The following ANAPC1 variants were observed in gnomAD, a reference collection of about 807,000 sequenced individuals.
ANAPC1 encodes the protein anaphase promoting complex subunit 1, also known as anaphase-promoting complex subunit 1.
Under a neutral mutation model 208.0 loss-of-function variants are expected in ANAPC1, and 36 were observed. The ratio of observed to expected loss-of-function variants is 0.17; its 90% CI spans 0.13 to 0.23. The LOEUF (loss-of-function observed/expected upper bound fraction) is 0.23. Among genes scored for constraint, ANAPC1 ranks in the 10% least tolerant of loss-of-function variants. ANAPC1 has a pLI of 1.00. For missense variants in ANAPC1, 942 were observed against 2,011.6 expected, an observed-to-expected ratio of 0.47 and a Z score of 10.17; for synonymous variants, 378 against 695.2, an observed-to-expected ratio of 0.54 and a Z score of 7.18.
chr2:111,801,358 TA>T (rs752955666), intron 33 of ANAPC1, among the ~76,000 whole-genome samples: 12 of 125,368 alleles, frequency 9.6e-5, no homozygotes, highest in South Asian at 2.6e-4. Flanking sequence ...CTCCATCTCA[TA>T]AAAAAAAAAA....
At chr2:111,828,515 G>A (rs1408466403) in intron 21 of ANAPC1, among the ~76,000 whole-genome samples, 1 of 152,130 alleles carries the variant, frequency 6.6e-6, no homozygotes, top group African/African-American at 2.4e-5. Context: ...AGCACTATTC[G>A]CAACAGTCAA....
chr2:111,864,329 AGATGATGATGATGATGATGATGAT>A (rs200879980), intron 8 of ANAPC1, among the ~76,000 whole-genome samples: 1 of 110,702 alleles, frequency 9.0e-6, no homozygotes, highest in Non-Finnish European at 1.8e-5. Context: ...CTGTCTCTAG[AGATGATGATGATGATGATGATGAT>A]GATGATGATG....
intron 1 of ANAPC1, among the ~76,000 whole-genome samples, chr2:111,883,663 G>A (rs1262345867): frequency 6.6e-6 from 1 of 152,168 alleles, no homozygotes; most frequent in Non-Finnish European, 1.5e-5. Flanking sequence ...AGCTCAGAGG[G>A]GCTGGAGGCC....
chr2:111,877,037 C>T (rs1516635), intron 3 of ANAPC1, among the ~76,000 whole-genome samples: 148,906 of 151,514 alleles, frequency 0.98, 73,213 homozygotes, highest in East Asian at 1. Context: ...ATGGGATTTT[C>T]GGAATGGGAA....
Position 111,794,311 on chromosome 2 carries a change from G to A in ANAPC1, c.4386C>T (p.Val1462=), listed in dbSNP as rs141398793. Reference sequence around the variant, plus strand: ...ACAAGCAGGCTCCTGCAATTATGTAGACATGTGCTTGGCTGAAAACAGGTG... The same window carrying A: ...ACAAGCAGGCTCCTGCAATTATGTAAACATGTGCTTGGCTGAAAACAGGTG... The part of the protein sequence containing the change: ...LNLETLSQAH[V]YIIAGACLSL... Residue 1462 remains valine (V), a synonymous_variant, in exon 36 of 48, where the codon GTC becomes GTT. Transcript: ENST00000341068. 1.9e-6 allele frequency: 3 copies of A among 1,608,280 alleles called. No individual in the cohort carries two copies. Among genetic ancestry groups the A allele is most frequent in the Non-Finnish European group, 2.5e-6 (3 of 1,178,200 alleles).
chr2:111,872,003 C>T (rs1446170548), intron 6 of ANAPC1, among the ~76,000 whole-genome samples: 5 of 152,180 alleles, frequency 3.3e-5, no homozygotes, highest in African/African-American at 1.2e-4. Context: ...TGCCTGATTG[C>T]TCTGGCCAGA....
intron 17 of ANAPC1, among the ~76,000 whole-genome samples, chr2:111,841,318 C>A (rs1252247491): frequency 4.7e-5 from 7 of 150,534 alleles, no homozygotes; most frequent in Admixed American, 4.0e-4. Flanking sequence ...AGGAAGGACA[C>A]AAAACAAAAT....
rs1681248073 is a variant in ANAPC1, at chr2:111,849,042, G to A, written c.1651-1177C>T. ...CTAGTCATGACCACTGATCCTTTTT[G>A]ATTCCTTTAATTCAATTTATATATC... On this transcript the variant is annotated intron_variant, in intron 14 of 47. Coordinates refer to ENST00000341068, the MANE Select transcript of ANAPC1 (RefSeq NM_022662.4). 2.0e-5 allele frequency among the ~76,000 whole-genome samples: 3 copies of A among 152,178 alleles called. No individual in the cohort carries two copies. In the South Asian group the frequency reaches 6.2e-4, roughly 31 times the overall value.
At chr2:111,795,772 A>C (rs1678133860) in intron 34 of ANAPC1, among the ~76,000 whole-genome samples, 2 of 152,206 alleles carry the variant, frequency 1.3e-5, no homozygotes, top group South Asian at 4.1e-4. Context: ...CAGAATATCT[A>C]GCTGTAATAA....
intron 37 of ANAPC1, among the ~76,000 whole-genome samples, 193 bp from the exon 38 acceptor site, chr2:111,792,748 C>G (rs2030500): frequency 0.2 from 29,913 of 151,552 alleles, 3,168 homozygotes; most frequent in Middle Eastern, 0.3. Flanking sequence ...GTCAGGAGAT[C>G]GAGACCATCC....
In ANAPC1 at chr2:111,862,444, T is replaced by G; in HGVS notation, c.1207A>C (p.Ile403Leu). The change falls in exon 10 of 48, where the codon ATT becomes CTT. Residue 403 changes from isoleucine to leucine, a missense_variant. By Grantham distance (5) the Ile-to-Leu change is conservative. Transcript: ENST00000341068. ...GSFLAPETEP[I>L]VPELCIDHLW... ...TGGTCAATACACAGTTCAGGAACAA[T>G]TGGCTCCGTTTCTGGTGCAAGAAAG... The G allele has an allele frequency of 6.2e-7, 1 of 1,610,380 alleles. No individual in the cohort carries two copies. The highest frequency in any genetic ancestry group is 8.5e-7 in the Non-Finnish European group (1 of 1,178,874).
intron 13 of ANAPC1, among the ~76,000 whole-genome samples, chr2:111,854,388 C>A (rs1378849197): frequency 1.3e-5 from 2 of 152,232 alleles, no homozygotes; most frequent in Admixed American, 6.5e-5. Context: ...TTCTTAAGGG[C>A]CCTAAGATTT....
chr2:111,858,129 A>G (rs1285650386), intron 11 of ANAPC1, among the ~76,000 whole-genome samples, 177 bp downstream of exon 11: 1 of 152,160 alleles, frequency 6.6e-6, no homozygotes, highest in Non-Finnish European at 1.5e-5. Context: ...TGATGGTTGT[A>G]TAACACTGTA....
At chr2:111,838,988 C>T (rs1680620950) in intron 17 of ANAPC1, among the ~76,000 whole-genome samples, 1 of 152,144 alleles carries the variant, frequency 6.6e-6, no homozygotes, top group Non-Finnish European at 1.5e-5. Context: ...TCTTTTTTCT[C>T]CTCTTTCTCC....
Position 111,848,010 on chromosome 2 carries a change from G to A in ANAPC1, c.1651-145C>T. 1.1e-5 allele frequency: 6 copies of A among 545,090 alleles called. No homozygotes were observed. In the South Asian group the frequency reaches 1.5e-4, roughly 14 times the overall value. 33.8% of individuals were successfully genotyped at this position (545,090 alleles called of 1,614,324 possible). ...AACATTCTGCTCCAAGCCAAGCATG[G>A]TGGTGCACACCTGTATAGTCCCAGC... On this transcript the variant is annotated intron_variant, in intron 14 of 47. Transcript: ENST00000341068.
rs370459020 is a variant in ANAPC1, at chr2:111,856,730, A to G, written c.1450-51T>C. ...TTTATTTCCCAATCTGAGCAAATTA[A>G]CAGATTTTTTGACTGAAAAATCTGT... is the stretch of plus-strand genomic sequence containing the variant. On this transcript the variant is annotated intron_variant, in intron 12 of 47. Coordinates refer to ENST00000341068, the MANE Select transcript of ANAPC1 (RefSeq NM_022662.4). 9.9e-6 allele frequency: 16 copies of G among 1,613,208 alleles called. No homozygotes were observed. The African/African-American group carries it at 2.0e-4, about 20-fold the overall frequency.
At chr2:111,795,363 T>A (rs113563131) in intron 34 of ANAPC1, among the ~76,000 whole-genome samples, 1 of 147,302 alleles carries the variant, frequency 6.8e-6, no homozygotes, top group Non-Finnish European at 1.5e-5. Context: ...GCCTGGGTGA[T>A]AGAGTGAGAC....
intron 3 of ANAPC1, among the ~76,000 whole-genome samples, chr2:111,874,871 T>C (rs199807253): frequency 2.0e-5 from 3 of 152,194 alleles, no homozygotes; most frequent in African/African-American, 7.2e-5. Context: ...CAAACTGCAA[T>C]GCAAGGCATG....
At chr2:111,781,990 A>G (rs1385149057) in intron 43 of ANAPC1, among the ~76,000 whole-genome samples, 1 of 152,260 alleles carries the variant, frequency 6.6e-6, no homozygotes, top group Non-Finnish European at 1.5e-5. Context: ...AATGGAGTTA[A>G]TAATTGCTAG....
Sources: gnomAD v4.1 joint callset for allele counts (sites outside exome capture counted in the v4.1 genomes callset) on GRCh38, gnomAD v4.1.1 for gene constraint, MANE v1.5 for transcripts, NCBI Gene and HGNC (gene_info 2026-07-23, HGNC 2026-07-21) for gene names.